Variants in NTM observed in about 807,000 individuals in gnomAD.
The protein encoded by NTM is IgLON family member 2.
NTM carries 13 observed loss-of-function variants against 42.1 expected under a neutral mutation model. The ratio of observed to expected loss-of-function variants is 0.31; its 90% CI spans 0.20 to 0.49. NTM has a LOEUF of 0.49. Among genes scored for constraint, NTM ranks in the 20% least tolerant of loss-of-function variants. NTM has a pLI of 0.99. For missense variants in NTM, 373 were observed against 452.8 expected (o/e 0.82, Z 1.60); for synonymous variants, 187 against 179.2 (o/e 1.04, Z -0.35).
At position 132,146,648 on chromosome 11, in the gene NTM, G is replaced by T; in HGVS notation, c.400+134G>T. Reference sequence around the variant, plus strand: ...CATCTGGGGTCCAGGGCACATTTCTGGTTGTCATTTTGCAGTTAGAAGCTA... The same window carrying T: ...CATCTGGGGTCCAGGGCACATTTCTTGTTGTCATTTTGCAGTTAGAAGCTA... On this transcript the variant is annotated intron_variant, in intron 3 of 8. Coordinates refer to ENST00000683400, the MANE Select transcript of NTM (RefSeq NM_001352005.2). The surrounding 1 kb of genome is among the most constrained non-coding windows in gnomAD (Gnocchi z 4.5). 1.1e-6 allele frequency: 1 copy of T among 896,382 alleles called. No homozygotes were observed. Among genetic ancestry groups the T allele is most frequent in the South Asian group, 2.3e-5 (1 of 43,324 alleles). 55.5% of individuals were successfully genotyped at this position (896,382 alleles called of 1,614,324 possible).
At position 131,949,547 on chromosome 11, in the gene NTM, C is replaced by G. The variant is rs200955520; in HGVS notation, c.167+37899C>G. The stretch of plus-strand genomic sequence containing the variant: ...TAGGCGTTGCACAAAGAGAAACTTC[C>G]AGCATGATTGGAGACATCATTGTCT... On this transcript the variant is annotated intron_variant, in intron 2 of 8. Transcript: ENST00000683400. 4.6e-5 allele frequency among the ~76,000 whole-genome samples: 7 copies of G among 152,274 alleles called. No individual in the cohort carries two copies. The East Asian group carries it at 1.4e-3, about 29-fold the overall frequency.
rs560148115 is a variant in NTM at position 132,257,042 on chromosome 11, G to A, written c.526+44895G>A. 9.5e-4 allele frequency among the ~76,000 whole-genome samples: 144 copies of A among 152,280 alleles called. 1 individual carries two copies. Among genetic ancestry groups the A allele is most frequent in the African/African-American group, 3.4e-3 (140 of 41,548 alleles). ...CCTCCCCAGGTCTGCAAAGCAACTC[G>A]CTGGCAAAGGCTCTGTGCCAAACAA... On this transcript the variant is annotated intron_variant, in intron 4 of 8. Transcript: ENST00000683400.
intron 1 of NTM, among the ~76,000 whole-genome samples, chr11:131,541,352 T>G (rs1283680376): frequency 6.6e-6 from 1 of 152,180 alleles, no homozygotes. Flanking sequence ...GCTCCAGAAT[T>G]GCTAGCTTTT....
intron 1 of NTM, among the ~76,000 whole-genome samples, chr11:131,710,730 C>A (rs146886747): frequency 6.6e-6 from 1 of 152,150 alleles, no homozygotes; most frequent in Non-Finnish European, 1.5e-5. Flanking sequence ...ACAGAGTCTG[C>A]GGTTTGCAAG....
At position 131,445,762 on chromosome 11, in the gene NTM, G is replaced by A. The variant is rs147636315; in HGVS notation, c.82+74874G>A. ...ATCCAACCACCTTTGCTTTTGGGGT[G>A]CACTCTATTGTGAGCCCAATTATTT... On this transcript the variant is annotated intron_variant, in intron 1 of 8. Transcript: ENST00000683400. 9.8e-3 allele frequency among the ~76,000 whole-genome samples: 1,491 copies of A among 152,252 alleles called. 27 individuals carry two copies. Among genetic ancestry groups the A allele is most frequent in the African/African-American group, 0.034 (1,429 of 41,542 alleles).
intron 1 of NTM, among the ~76,000 whole-genome samples, chr11:131,441,236 C>G (rs1477818340): frequency 1.3e-5 from 2 of 152,134 alleles, no homozygotes; most frequent in African/African-American, 4.8e-5. Flanking sequence ...AACCAAAGCC[C>G]AGAGACCGTG....
chr11:131,571,388 C>A (rs1280676488), intron 1 of NTM, among the ~76,000 whole-genome samples: 2 of 152,086 alleles, frequency 1.3e-5, no homozygotes, highest in Non-Finnish European at 2.9e-5. Flanking sequence ...AGGTATTATG[C>A]CTGTGTTAAT....
chr11:131,764,810 C>T (rs1306746206), intron 1 of NTM, among the ~76,000 whole-genome samples: 4 of 152,142 alleles, frequency 2.6e-5, no homozygotes, highest in Admixed American at 2.6e-4. Context: ...TCCTCACCCT[C>T]CCAGGAGCTC....
intron 1 of NTM, among the ~76,000 whole-genome samples, chr11:131,557,727 T>C (rs933625584): frequency 6.6e-6 from 1 of 151,226 alleles, no homozygotes; most frequent in Non-Finnish European, 1.5e-5. Context: ...TCTTGGAGCA[T>C]TTGAATGAGG....
At chr11:132,184,953 T>A (rs1404147084) in intron 3 of NTM, among the ~76,000 whole-genome samples, 3 of 152,164 alleles carry the variant, frequency 2.0e-5, no homozygotes, top group Non-Finnish European at 4.4e-5. Context: ...CTAATTTTTC[T>A]TGATTTGGAT....
Position 131,660,631 on chromosome 11 carries a change from C to T in NTM, c.83-250933C>T, listed in dbSNP as rs1483535322. On this transcript the variant is annotated intron_variant, in intron 1 of 8. Transcript: ENST00000683400. ...GCTGGCCTTGATCTCTGGGTCTGTG[C>T]ACCCCTCCCCCCTTATTCCTTCCTG... 6.6e-6 allele frequency: 3 copies of T among 456,402 alleles called. No homozygotes were observed. The Admixed American group carries it at 7.1e-5, about 11-fold the overall frequency. The allele number at this position is 456,402 out of a possible 1,614,324, so 28.3% of individuals were successfully genotyped here.
intron 1 of NTM, among the ~76,000 whole-genome samples, chr11:131,909,334 C>G (rs540083459): frequency 6.6e-6 from 1 of 152,206 alleles, no homozygotes; most frequent in Non-Finnish European, 1.5e-5. Context: ...TGGTACTGCT[C>G]GAAGGTTGCC....
At chr11:132,031,418 G>A (rs939928768) in intron 2 of NTM, among the ~76,000 whole-genome samples, 1 of 152,106 alleles carries the variant, frequency 6.6e-6, no homozygotes, top group African/African-American at 2.4e-5. Context: ...CAGATGAGAG[G>A]GGATAGTGGC....
At chr11:132,006,202 G>A (rs543973276) in intron 2 of NTM, among the ~76,000 whole-genome samples, 3 of 152,078 alleles carry the variant, frequency 2.0e-5, no homozygotes, top group Non-Finnish European at 2.9e-5. Flanking sequence ...ATCTTTCCAT[G>A]GCTTGAAAAT....
At chr11:131,769,379 C>T (rs1430990157) in intron 1 of NTM, among the ~76,000 whole-genome samples, 2 of 152,108 alleles carry the variant, frequency 1.3e-5, no homozygotes, top group East Asian at 1.9e-4. Context: ...CAAGCTTCTG[C>T]CTCTGAAACT....
chr11:131,922,581 T>G (rs773335799), intron 2 of NTM, among the ~76,000 whole-genome samples: 8 of 152,212 alleles, frequency 5.3e-5, no homozygotes, highest in Admixed American at 2.6e-4. Context: ...TGTTTGTCTT[T>G]TCTTTTAAGA....
intron 1 of NTM, among the ~76,000 whole-genome samples, chr11:131,638,023 C>T (rs978927493): frequency 6.6e-6 from 1 of 152,142 alleles, no homozygotes; most frequent in Non-Finnish European, 1.5e-5. Flanking sequence ...GGTCACATGG[C>T]TACACCAAGC....
At chr11:132,230,574 T>C (rs1026062706) in intron 4 of NTM, among the ~76,000 whole-genome samples, 1 of 152,172 alleles carries the variant, frequency 6.6e-6, no homozygotes, top group Non-Finnish European at 1.5e-5. Flanking sequence ...TGCTCACCAC[T>C]CTCCAAGCAG....
intron 1 of NTM, among the ~76,000 whole-genome samples, chr11:131,399,504 G>C (rs1265177599): frequency 6.6e-6 from 1 of 152,146 alleles, no homozygotes; most frequent in East Asian, 1.9e-4. Flanking sequence ...TGCTGTATTT[G>C]TCACAGTTTC....
Sources: allele counts gnomAD v4.1 joint callset (sites outside exome capture counted in the v4.1 genomes callset), GRCh38; gene constraint gnomAD v4.1.1; non-coding constraint Gnocchi (gnomAD v3.1); transcripts MANE v1.5; gene names NCBI Gene and HGNC (gene_info 2026-07-23, HGNC 2026-07-21).